SDSL: variants seen among roughly 807,000 people sequenced by gnomAD.
SDSL encodes the protein serine dehydratase like.
Under a neutral mutation model 27.6 loss-of-function variants are expected in SDSL, and 26 were observed. That is an observed-to-expected ratio of 0.94 (90% confidence interval 0.69 to 1.31). The LOEUF (loss-of-function observed/expected upper bound fraction) is 1.31. Among genes scored for constraint, SDSL ranks in the 50% most tolerant of loss-of-function variants. The pLI is 0.00. For synonymous variants in SDSL, 196 were observed against 180.6 expected (o/e 1.09, Z -0.69); for missense variants, 431 against 423.5 (o/e 1.02, Z -0.16).
At position 113,427,681 on chromosome 12, in the gene SDSL, C is replaced by G. The variant is rs146439128; in HGVS notation, c.-21-281C>G. On this transcript the variant is annotated intron_variant, in intron 1 of 7. Coordinates refer to ENST00000403593, the MANE Select transcript of SDSL (RefSeq NM_001304993.2). ...ATTTTTTGACTGAGGAATGAATTCT[C>G]CCACTCTCTCATTCATTTCTCACCA... Among the ~76,000 whole-genome samples the G allele has an allele frequency of 5.4e-3, 827 of 152,272 alleles. 7 individuals are homozygous for G. The highest frequency in any genetic ancestry group is 0.018 in the African/African-American group (762 of 41,552).
chr12:113,431,971 G>A (rs952312587), intron 4 of SDSL, among the ~76,000 whole-genome samples: 3 of 149,038 alleles, frequency 2.0e-5, no homozygotes, highest in African/African-American at 7.4e-5. Context: ...TAGCCAGGAT[G>A]GTCTCGAACT....
At chr12:113,423,010 G>A (rs1421832704) in intron 1 of SDSL, 1 of 152,268 alleles carries the variant, frequency 6.6e-6, no homozygotes, top group African/African-American at 2.4e-5. Flanking sequence ...TTTCAGCCCT[G>A]GTGGCTGCCA....
intron 4 of SDSL, among the ~76,000 whole-genome samples, chr12:113,432,232 C>A (rs1023946108): frequency 1.0e-5 from 1 of 96,732 alleles, no homozygotes; most frequent in African/African-American, 3.9e-5. Flanking sequence ...TTCTTTCTTT[C>A]TTTCTTTCTT....
chr12:113,429,392 A>T (rs916588526), intron 4 of SDSL, 93 bp downstream of exon 4: 1 of 1,376,512 alleles, frequency 7.3e-7, no homozygotes, highest in South Asian at 1.3e-5. Context: ...TTTCCTTTCG[A>T]TGAGCTGTGG....
intron 4 of SDSL, among the ~76,000 whole-genome samples, chr12:113,432,724 A>G (rs557243756): frequency 6.6e-6 from 1 of 152,250 alleles, no homozygotes; most frequent in African/African-American, 2.4e-5. Flanking sequence ...CTTTGTGCCC[A>G]TGTTTATACC....
At chr12:113,429,357 C>G in intron 4 of SDSL, 58 bp downstream of exon 4, 1 of 1,543,564 alleles carries the variant, frequency 6.5e-7, no homozygotes, top group Non-Finnish European at 8.9e-7. Flanking sequence ...TCACCTCACC[C>G]CACCCCTAAG....
rs367940348 is a variant in SDSL, at chr12:113,435,524, C to T, written c.639C>T (p.Ala213=). 1.5e-5 allele frequency: 24 copies of T among 1,613,866 alleles called. No individual in the cohort carries two copies. In the East Asian group the frequency reaches 1.8e-4, roughly 12 times the overall value. Reference sequence around the variant, plus strand: ...ACTGCTTCAATGCGGCCATCACAGCCGGCAAGCTGGTCACACTTCCAGACA... The same window carrying T: ...ACTGCTTCAATGCGGCCATCACAGCTGGCAAGCTGGTCACACTTCCAGACA... ...GAHCFNAAIT[A]GKLVTLPDIT... The change falls in exon 6 of 8, where the codon GCC becomes GCT. Residue 213 remains alanine (A), a synonymous_variant. Transcript: ENST00000403593.
chr12:113,428,574 A>T, intron 3 of SDSL, 115 bp downstream of exon 3: 1 of 789,044 alleles, frequency 1.3e-6, no homozygotes, highest in East Asian at 2.7e-5. Flanking sequence ...CATCAAGGTC[A>T]TTGATGAGAT....
At chr12:113,426,673 C>A (rs1039467190) in intron 1 of SDSL, among the ~76,000 whole-genome samples, 1 of 152,148 alleles carries the variant, frequency 6.6e-6, no homozygotes, top group Non-Finnish European at 1.5e-5. Flanking sequence ...TGCAGTGACT[C>A]GCGCCTGTAA....
intron 1 of SDSL, chr12:113,426,139 C>A (rs368400676): frequency 1.1e-5 from 5 of 455,902 alleles, no homozygotes; most frequent in East Asian, 7.0e-5. Context: ...GCCCTCACCC[C>A]CTACCCTCAC....
At chr12:113,426,224 G>T (rs759758410) in intron 1 of SDSL, 12 of 455,722 alleles carry the variant, frequency 2.6e-5, no homozygotes, top group Non-Finnish European at 4.9e-5. Flanking sequence ...GGTCCTGGCT[G>T]CTGTTCTCTG....
intron 1 of SDSL, among the ~76,000 whole-genome samples, 159 bp from the exon 2 acceptor site, chr12:113,427,803 C>T (rs1957867052): frequency 6.6e-6 from 1 of 152,212 alleles, no homozygotes; most frequent in African/African-American, 2.4e-5. Flanking sequence ...AACTGAGGCC[C>T]AGAGAGTCAC....
At chr12:113,431,624 A>AGT (rs1431180812) in intron 4 of SDSL, among the ~76,000 whole-genome samples, 3 of 149,366 alleles carry the variant, frequency 2.0e-5, no homozygotes, top group African/African-American at 7.4e-5. Flanking sequence ...CCCAGGCTGG[A>AGT]GTGCAGTGGC....
At chr12:113,425,571 T>C (rs1957837030) in intron 1 of SDSL, 1 of 435,200 alleles carries the variant, frequency 2.3e-6, no homozygotes, top group Non-Finnish European at 4.6e-6. Context: ...CTTTTCTGCC[T>C]GGGACAAGAG....
At position 113,436,728 on chromosome 12, in the gene SDSL, C is replaced by T. The variant is rs372814242; in HGVS notation, c.672-23C>T. 1.7e-5 allele frequency: 26 copies of T among 1,568,788 alleles called. No individual in the cohort carries two copies. In the African/African-American group the frequency reaches 2.8e-4, roughly 17 times the overall value. On this transcript the variant is annotated intron_variant, in intron 6 of 7. Coordinates refer to ENST00000403593, the MANE Select transcript of SDSL (RefSeq NM_001304993.2). ...CTTCCCTGAGCCCCTGGTCTCCCTGCCCCACCCTGCTCTATCCTGCAGTGT... is the reference window on the plus strand; with the variant it reads ...CTTCCCTGAGCCCCTGGTCTCCCTGTCCCACCCTGCTCTATCCTGCAGTGT...
Position 113,438,193 on chromosome 12 carries a change from C to A in SDSL, c.*114C>A. The A allele has an allele frequency of 2.2e-6, 2 of 920,446 alleles. No homozygotes were observed. The highest frequency in any genetic ancestry group is 3.3e-6 in the Non-Finnish European group (2 of 614,226). 57.0% of individuals were successfully genotyped at this position (920,446 alleles called of 1,614,324 possible). ...GTGGAAGCTGCCCTGTGCAACTGTG[C>A]TGGCTGCCTCCTGAAGGAAGCCCTC... On this transcript the variant is annotated 3_prime_UTR_variant, in exon 8 of 8. Transcript: ENST00000403593.
In SDSL at chr12:113,428,107, A is replaced by C; in HGVS notation, c.125A>C (p.Gln42Pro). The stretch of plus-strand genomic sequence containing the variant: ...GTCTTCCTCAAGTGTGAGAATGTGC[A>C]GCCCAGCGGCTCCTTCAAGATTCGG... ...MPVFLKCENVQPSGSFKIRGI... is the reference protein window; with the variant it reads ...MPVFLKCENVPPSGSFKIRGI... Residue 42 changes from glutamine to proline, a missense_variant, in exon 2 of 8, where the codon CAG becomes CCG. Gln to Pro is a moderately conservative substitution (Grantham distance 76). Transcript: ENST00000403593. 6.2e-7 allele frequency: 1 copy of C among 1,613,722 alleles called. No homozygotes were observed. Among genetic ancestry groups the C allele is most frequent in the Non-Finnish European group, 8.5e-7 (1 of 1,179,888 alleles).
intron 1 of SDSL, 147 bp from the exon 2 acceptor site, chr12:113,427,815 G>T (rs1957867189): frequency 2.9e-6 from 2 of 688,906 alleles, no homozygotes; most frequent in Non-Finnish European, 2.4e-6. Flanking sequence ...GAGAGTCACA[G>T]ATACTTGATG....
rs764211673 is a variant in SDSL at position 113,437,985 on chromosome 12, C to T, written c.896C>T (p.Pro299Leu). The T allele has an allele frequency of 6.2e-7, 1 of 1,614,180 alleles. No individual in the cohort carries two copies. Among genetic ancestry groups the T allele is most frequent in the East Asian group, 2.2e-5 (1 of 44,876 alleles). The change falls in exon 8 of 8, where the codon CCT (proline) becomes CTT (leucine). Residue 299 changes from proline (P) to leucine (L), a missense_variant. Pro to Leu is a moderately conservative substitution (Grantham distance 98, BLOSUM62 -3). Coordinates refer to ENST00000403593, the MANE Select transcript of SDSL (RefSeq NM_001304993.2). Reference sequence around the variant, plus strand: ...CTCCAGGCCGAGGGCTGCCTGCCCCCTTCCCTGACTTCAGTTGTGGTAATC... The same window carrying T: ...CTCCAGGCCGAGGGCTGCCTGCCCCTTTCCCTGACTTCAGTTGTGGTAATC... ...RRLQAEGCLPPSLTSVVVIVC... is the reference protein window; with the variant it reads ...RRLQAEGCLPLSLTSVVVIVC...
Sources: gnomAD v4.1 joint callset for allele counts (sites outside exome capture counted in the v4.1 genomes callset) on GRCh38, gnomAD v4.1.1 for gene constraint, MANE v1.5 for transcripts, NCBI Gene and HGNC (gene_info 2026-07-23, HGNC 2026-07-21) for gene names.